The following TBC1D4 variants were observed in gnomAD, a reference collection of about 807,000 sequenced individuals.
The protein encoded by TBC1D4 is TBC1 domain family member 4.
A neutral mutation model predicts 142.5 loss-of-function variants in TBC1D4; 121 were observed. The ratio of observed to expected loss-of-function variants is 0.85; its 90% CI spans 0.73 to 0.99. TBC1D4 has a LOEUF of 0.99. TBC1D4 is among the 50% of genes least tolerant of loss of function. The pLI is 0.00. For synonymous variants in TBC1D4, 630 were observed against 628.2 expected (o/e 1.00, Z -0.04); for missense variants, 1,475 against 1,606.6 (o/e 0.92, Z 1.40).
intron 1 of TBC1D4, among the ~76,000 whole-genome samples, chr13:75,445,332 C>T (rs12870094): frequency 0.25 from 37,846 of 152,074 alleles, 5,427 homozygotes; most frequent in Non-Finnish European, 0.33. Context: ...ATTAATGTCT[C>T]AAAATATCTA....
chr13:75,342,809 T>TTATGA (rs1880819895), intron 5 of TBC1D4, among the ~76,000 whole-genome samples: 1 of 151,770 alleles, frequency 6.6e-6, no homozygotes, highest in African/African-American at 2.4e-5. Context: ...TATATTTTGA[T>TTATGA]TATGAAGAGA....
At chr13:75,430,959 C>T (rs997388307) in intron 1 of TBC1D4, among the ~76,000 whole-genome samples, 3 of 152,068 alleles carry the variant, frequency 2.0e-5, no homozygotes, top group African/African-American at 7.2e-5. Flanking sequence ...CAAGGTGAAC[C>T]AAAGCTTTGT....
rs764525748 is a variant in TBC1D4, at chr13:75,362,020, G to A, written c.1080+6C>T. The A allele has an allele frequency of 9.3e-6, 15 of 1,614,110 alleles. No individual in the cohort carries two copies. The highest frequency in any genetic ancestry group is 2.2e-5 in the South Asian group (2 of 91,080). On this transcript the variant is annotated splice_donor_region_variant and intron_variant, in intron 2 of 20. Coordinates refer to ENST00000377636, the MANE Select transcript of TBC1D4 (RefSeq NM_014832.5). The surrounding 1 kb of genome is among the most constrained non-coding windows in gnomAD (Gnocchi z 4.2). ...GCAAGGGCAGACAGCGTCCGATCAGGTGTACCTGGAAGAGCATGGTCCTGT... is the reference window on the plus strand; with the variant it reads ...GCAAGGGCAGACAGCGTCCGATCAGATGTACCTGGAAGAGCATGGTCCTGT...
chr13:75,326,260 T>C lies in TBC1D4; in HGVS notation c.1970A>G (p.Gln657Arg), dbSNP rs1383850729. The C allele has an allele frequency of 1.2e-6, 2 of 1,614,176 alleles. No homozygotes were observed. The highest frequency in any genetic ancestry group is 8.5e-7 in the Non-Finnish European group (1 of 1,180,034). Residue 657 changes from glutamine (Q) to arginine (R), a missense_variant, in exon 10 of 21, where the codon CAG (glutamine) becomes CGG (arginine). Transcript: ENST00000377636. ...PSSTKRKLNL[Q>R]DGRAQGVRSP... ...ACGCACACCCTGAGCCCTCCCATCC[T>C]GCAAATTCAGCTTTCTCTTTGTGCT...
At chr13:75,319,622 G>A (rs567829583) in intron 12 of TBC1D4, among the ~76,000 whole-genome samples, 4 of 152,294 alleles carry the variant, frequency 2.6e-5, no homozygotes, top group Admixed American at 1.3e-4. Flanking sequence ...TTGTGAGTAC[G>A]TTTCTTTTAG....
intron 5 of TBC1D4, among the ~76,000 whole-genome samples, chr13:75,345,067 G>C (rs1881036353): frequency 6.6e-6 from 1 of 152,136 alleles, no homozygotes; most frequent in African/African-American, 2.4e-5. Flanking sequence ...CCCTGCCTTT[G>C]GATACTCTCT....
chr13:75,380,362 A>C (rs1478926149), intron 1 of TBC1D4, among the ~76,000 whole-genome samples: 1 of 151,774 alleles, frequency 6.6e-6, no homozygotes, highest in African/African-American at 2.4e-5. Context: ...AATCCCAGCT[A>C]CTCGGGAGGC....
intron 1 of TBC1D4, among the ~76,000 whole-genome samples, chr13:75,370,688 G>A (rs892311142): frequency 6.6e-6 from 1 of 152,162 alleles, no homozygotes; most frequent in Non-Finnish European, 1.5e-5. Flanking sequence ...GAGATCAGGA[G>A]CCGCGTTTTG....
chr13:75,406,894 T>C (rs774938649), intron 1 of TBC1D4, among the ~76,000 whole-genome samples: 3 of 152,056 alleles, frequency 2.0e-5, no homozygotes, highest in Non-Finnish European at 4.4e-5. Context: ...TAATTAAGGG[T>C]CTCTAGCACA....
intron 1 of TBC1D4, among the ~76,000 whole-genome samples, chr13:75,474,524 A>C (rs530898756): frequency 6.6e-6 from 1 of 152,148 alleles, no homozygotes; most frequent in Non-Finnish European, 1.5e-5. Flanking sequence ...GCGCCACTGC[A>C]CTCCAGCCTG....
At position 75,324,400 on chromosome 13, in the gene TBC1D4, T is replaced by A. The variant is rs1423777538; in HGVS notation, c.2035A>T (p.Asn679Tyr). 1.2e-6 allele frequency: 2 copies of A among 1,613,796 alleles called. No homozygotes were observed. Among genetic ancestry groups the A allele is most frequent in the Non-Finnish European group, 1.7e-6 (2 of 1,179,838 alleles). ...TACATGCGTCGAACTGACGAAAGAT[T>A]GCTGAGTACAGAAAATACAGCAAAT... ...LRQSSSEQCS[N>Y]LSSVRRMYKE... Residue 679 changes from asparagine to tyrosine, a missense_variant and splice_region_variant, in exon 11 of 21, where the codon AAT (asparagine) becomes TAT (tyrosine). Asn to Tyr is a moderately radical substitution (Grantham distance 143). Transcript: ENST00000377636.
chr13:75,350,279 C>T (rs1881491518), intron 4 of TBC1D4, among the ~76,000 whole-genome samples: 1 of 152,140 alleles, frequency 6.6e-6, no homozygotes, highest in Non-Finnish European at 1.5e-5. Flanking sequence ...TTTTCCCCTT[C>T]CCCTATGGCC....
chr13:75,432,336 T>G (rs1424636590), intron 1 of TBC1D4, among the ~76,000 whole-genome samples: 1 of 152,180 alleles, frequency 6.6e-6, no homozygotes, highest in East Asian at 1.9e-4. Context: ...AGACTATGAC[T>G]AAAAGGTCCA....
rs776647821 is a variant in TBC1D4, at chr13:75,299,591, G to A, written c.2912-17C>T. On this transcript the variant is annotated splice_polypyrimidine_tract_variant and intron_variant, in intron 16 of 20. Coordinates refer to ENST00000377636, the MANE Select transcript of TBC1D4 (RefSeq NM_014832.5). ...ACGTCCTTCCTGCAGAGGAAAAGAA[G>A]GAAAATATTTTTTGAAATGTCCTCA... 3.7e-6 allele frequency: 6 copies of A among 1,613,538 alleles called. No homozygotes were observed. In the African/African-American group the frequency reaches 8.0e-5, roughly 22 times the overall value.
intron 1 of TBC1D4, among the ~76,000 whole-genome samples, chr13:75,410,400 C>T (rs1231922413): frequency 5.3e-5 from 8 of 152,074 alleles, no homozygotes; most frequent in African/African-American, 1.9e-4. Flanking sequence ...CAGAGCTGAC[C>T]CTTAAATACC....
At chr13:75,415,038 C>T (rs187473829) in intron 1 of TBC1D4, among the ~76,000 whole-genome samples, 3 of 151,322 alleles carry the variant, frequency 2.0e-5, no homozygotes, top group African/African-American at 4.9e-5. Context: ...GCAAGAGAAT[C>T]GCTTGAACCC....
At chr13:75,465,349 AG>A (rs1222497825) in intron 1 of TBC1D4, among the ~76,000 whole-genome samples, 5 of 152,236 alleles carry the variant, frequency 3.3e-5, no homozygotes. Flanking sequence ...GGCACACTGG[AG>A]GCATTCAGTT....
intron 1 of TBC1D4, among the ~76,000 whole-genome samples, chr13:75,411,095 G>A (rs9565163): frequency 0.12 from 18,961 of 151,806 alleles, 1,490 homozygotes; most frequent in East Asian, 0.28. Flanking sequence ...CAAACGTTAC[G>A]CCATATATTT....
intron 1 of TBC1D4, among the ~76,000 whole-genome samples, chr13:75,459,444 C>T (rs1233220849): frequency 6.6e-6 from 1 of 152,174 alleles, no homozygotes; most frequent in Non-Finnish European, 1.5e-5. Context: ...TTATTAATAA[C>T]AACTATATTT....
Sources: allele counts gnomAD v4.1 joint callset (sites outside exome capture counted in the v4.1 genomes callset), GRCh38; gene constraint gnomAD v4.1.1; non-coding constraint Gnocchi (gnomAD v3.1); transcripts MANE v1.5; gene names NCBI Gene and HGNC (gene_info 2026-07-23, HGNC 2026-07-21).